Variants in CREB5 observed in about 807,000 individuals in gnomAD.
The protein encoded by CREB5 is cAMP responsive element binding protein 5.
Under a neutral mutation model 57.1 loss-of-function variants are expected in CREB5, and 19 were observed. The observed-to-expected ratio is 0.33, with a 90% CI of 0.23 to 0.49. The LOEUF (loss-of-function observed/expected upper bound fraction) is 0.49, where lower values mean the gene tolerates loss of function less well. CREB5 is among the 20% of genes least tolerant of loss of function. CREB5 has a pLI of 0.99. For synonymous variants in CREB5, 238 were observed against 238.3 expected, an observed-to-expected ratio of 1.00 and a Z score of 0.01; for missense variants, 579 against 671.6, an observed-to-expected ratio of 0.86 and a Z score of 1.52.
At chr7:28,638,164 C>T (rs900163668) in intron 5 of CREB5, among the ~76,000 whole-genome samples, 1 of 151,798 alleles carries the variant, frequency 6.6e-6, no homozygotes, top group African/African-American at 2.4e-5. Flanking sequence ...AGCAAAGATA[C>T]GGACTAAGAA....
chr7:28,349,983 C>T (rs1786155010), intron 1 of CREB5, among the ~76,000 whole-genome samples: 1 of 152,128 alleles, frequency 6.6e-6, no homozygotes, highest in Admixed American at 6.5e-5. Context: ...GCTTTCAATT[C>T]TAATCAAGGC....
chr7:28,657,044 A>G (rs1217054338), intron 5 of CREB5, among the ~76,000 whole-genome samples: 1 of 152,156 alleles, frequency 6.6e-6, no homozygotes, highest in Non-Finnish European at 1.5e-5. Context: ...GATTAGGTGC[A>G]TGTAATACTT....
At chr7:28,591,040 A>G (rs1413326935) in intron 5 of CREB5, among the ~76,000 whole-genome samples, 1 of 152,198 alleles carries the variant, frequency 6.6e-6, no homozygotes, top group Non-Finnish European at 1.5e-5. Flanking sequence ...AATACTGAAA[A>G]TGTCCCTGTT....
Position 28,494,995 on chromosome 7 carries a change from A to T in CREB5, c.165A>T (p.Leu55Phe). 1 of 1,601,276 alleles carries T rather than the reference A, an allele frequency of 6.2e-7. No homozygotes were observed. The highest frequency in any genetic ancestry group is 8.5e-7 in the Non-Finnish European group (1 of 1,175,618). Residue 55 changes from leucine (L) to phenylalanine (F), a missense_variant, in exon 3 of 11, where the codon TTA becomes TTT. By Grantham distance (22) the Leu-to-Phe change is conservative. Coordinates refer to ENST00000357727, the MANE Select transcript of CREB5 (RefSeq NM_182898.4). Reference sequence around the variant, plus strand: ...CTTCAATAAAAACAGACAATATGTTATCAGGTAAGGAGCCATCAGGAAAAG... The same window carrying T: ...CTTCAATAAAAACAGACAATATGTTTTCAGGTAAGGAGCCATCAGGAAAAG... ...KFPSIKTDNM[L>F]SDQTPTPTRF...
chr7:28,607,810 C>T (rs2128674434), intron 5 of CREB5, among the ~76,000 whole-genome samples: 1 of 137,914 alleles, frequency 7.3e-6, no homozygotes, highest in East Asian at 2.4e-4. Flanking sequence ...CATGTGCATA[C>T]TTGGAAAGAT....
intron 1 of CREB5, among the ~76,000 whole-genome samples, chr7:28,422,576 TG>T (rs1394850403): frequency 1.3e-5 from 2 of 152,114 alleles, no homozygotes; most frequent in African/African-American, 2.4e-5. Context: ...GACTCCAGAA[TG>T]AAAAAATGTC....
chr7:28,410,586 C>T, upstream of CREB5: 1 of 456,094 alleles, frequency 2.2e-6, no homozygotes, highest in Non-Finnish European at 4.4e-6. Flanking sequence ...CCCCCATCCC[C>T]AACTTTCCCT....
At chr7:28,655,696 A>G (rs1431533038) in intron 5 of CREB5, among the ~76,000 whole-genome samples, 1 of 152,218 alleles carries the variant, frequency 6.6e-6, no homozygotes, top group Non-Finnish European at 1.5e-5. Flanking sequence ...AATGGTTAAG[A>G]TGATAAATTT....
intron 5 of CREB5, among the ~76,000 whole-genome samples, chr7:28,619,347 C>A (rs963587977): frequency 1.3e-5 from 2 of 152,222 alleles, no homozygotes; most frequent in Admixed American, 6.5e-5. Context: ...AAAGCAGACA[C>A]CTGGATCTCA....
chr7:28,306,724 C>G lies in CREB5; in HGVS notation c.-25+7283C>G, dbSNP rs574867767. Among the ~76,000 whole-genome samples, 18 of 152,168 alleles carry G rather than the reference C, an allele frequency of 1.2e-4. No individual in the cohort carries two copies. In the South Asian group the frequency reaches 3.5e-3, roughly 30 times the overall value. On this transcript the variant is annotated intron_variant, in intron 1 of 9. Coordinates refer to the CREB5 transcript ENST00000396299. ...TACAGGCGCCCGCCACTATGCCCGG[C>G]TAATTTTTTGTATTTTTTAGTAGAG...
intron 2 of CREB5, among the ~76,000 whole-genome samples, chr7:28,489,737 G>A (rs1222857937): frequency 6.6e-6 from 1 of 152,150 alleles, no homozygotes; most frequent in Non-Finnish European, 1.5e-5. Context: ...CCTTTGCTCA[G>A]GTTCTAGAAG....
At chr7:28,445,637 C>T (rs1199317599) in intron 1 of CREB5, among the ~76,000 whole-genome samples, 10 of 152,032 alleles carry the variant, frequency 6.6e-5, no homozygotes, top group Admixed American at 3.9e-4. Flanking sequence ...CTGCAAGCTC[C>T]GCCTCCCAGG....
intron 6 of CREB5, among the ~76,000 whole-genome samples, chr7:28,719,101 G>A (rs1003773463): frequency 6.6e-6 from 1 of 152,130 alleles, no homozygotes; most frequent in Non-Finnish European, 1.5e-5. Flanking sequence ...ATGAGATATG[G>A]TCCATGGTGA....
intron 1 of CREB5, among the ~76,000 whole-genome samples, chr7:28,403,894 A>G (rs929787237): frequency 1.3e-5 from 2 of 152,250 alleles, no homozygotes; most frequent in Non-Finnish European, 2.9e-5. Flanking sequence ...CACTTTAAAT[A>G]GCAAAAAATT....
At chr7:28,756,199 C>T (rs1159560128) in intron 7 of CREB5, among the ~76,000 whole-genome samples, 3 of 151,982 alleles carry the variant, frequency 2.0e-5, no homozygotes, top group Non-Finnish European at 4.4e-5. Context: ...GTGGAAGTGT[C>T]GAGGAAGGCA....
At chr7:28,374,485 T>C (rs1786782885) in intron 1 of CREB5, among the ~76,000 whole-genome samples, 1 of 152,182 alleles carries the variant, frequency 6.6e-6, no homozygotes, top group Non-Finnish European at 1.5e-5. Context: ...GGTATATTCA[T>C]ACAATGGAAT....
chr7:28,447,146 G>A (rs768777224), intron 1 of CREB5, among the ~76,000 whole-genome samples: 1 of 152,216 alleles, frequency 6.6e-6, no homozygotes, highest in South Asian at 2.1e-4. Context: ...CACAGGGCTT[G>A]CAGGGCACAC....
chr7:28,451,549 T>C (rs548307305), intron 1 of CREB5, among the ~76,000 whole-genome samples: 4 of 151,930 alleles, frequency 2.6e-5, no homozygotes, highest in African/African-American at 9.7e-5. Context: ...TGAGTGAAGC[T>C]GGTTTGTGAG....
chr7:28,712,661 G>T (rs1444474109), intron 5 of CREB5, among the ~76,000 whole-genome samples: 2 of 147,772 alleles, frequency 1.4e-5, no homozygotes, highest in Non-Finnish European at 3.0e-5. Flanking sequence ...AGCCTCCCGA[G>T]TAGCTGGGAT....
Sources: gnomAD v4.1 joint callset for allele counts (sites outside exome capture counted in the v4.1 genomes callset) on GRCh38, gnomAD v4.1.1 for gene constraint, MANE v1.5 for transcripts, NCBI Gene and HGNC (gene_info 2026-07-23, HGNC 2026-07-21) for gene names.